Variants in SIGLEC1 observed in about 807,000 individuals in gnomAD.
SIGLEC1 encodes the protein sialic acid binding Ig like lectin 1.
SIGLEC1 carries 132 observed loss-of-function variants against 148.0 expected under a neutral mutation model. The observed-to-expected ratio is 0.89, with a 90% confidence interval of 0.77 to 1.03. The LOEUF is 1.03. Ranked by LOEUF, SIGLEC1 falls within the 50% of genes least tolerant of loss-of-function variation. The probability of loss-of-function intolerance (pLI) is 0.00; values close to 1 mark genes in which losing one functional copy is unlikely to be tolerated. For synonymous variants in SIGLEC1, 945 were observed against 969.0 expected, an observed-to-expected ratio of 0.98 and a Z score of 0.46; for missense variants, 2,253 against 2,271.4, an observed-to-expected ratio of 0.99 and a Z score of 0.16.
At position 3,688,463 on chromosome 20, in the gene SIGLEC1, G is replaced by A; in HGVS notation, c.*97C>T. ...ATGTCACAGAGCTGTTTTCGTAGAG[G>A]CGGGCAGGACTCAACACTGCCTCAT... On this transcript the variant is annotated 3_prime_UTR_variant, in exon 22 of 22. Coordinates refer to ENST00000344754, the MANE Select transcript of SIGLEC1 (RefSeq NM_023068.4). The A allele has an allele frequency of 9.7e-7, 1 of 1,032,386 alleles. No homozygotes were observed. Among genetic ancestry groups the A allele is most frequent in the East Asian group, 2.6e-5 (1 of 38,398 alleles). 64.0% of individuals were successfully genotyped at this position (1,032,386 alleles called of 1,614,324 possible).
intron 21 of SIGLEC1, 138 bp downstream of exon 21, chr20:3,689,017 C>G (rs1287483725): frequency 1.3e-6 from 1 of 766,868 alleles, no homozygotes; most frequent in African/African-American, 1.7e-5. Flanking sequence ...TCCTGAGGGG[C>G]TCCTGGTTCC....
chr20:3,711,417 T>C (rs2087928097), intron 1 of SIGLEC1, among the ~76,000 whole-genome samples: 1 of 152,144 alleles, frequency 6.6e-6, no homozygotes, highest in Non-Finnish European at 1.5e-5. Flanking sequence ...TGACCTCTGA[T>C]TCCAGAGGCC....
chr20:3,689,852 C>A, intron 19 of SIGLEC1, 110 bp downstream of exon 19: 2 of 1,190,008 alleles, frequency 1.7e-6, no homozygotes, highest in South Asian at 2.8e-5. Context: ...AGTTTAGAGT[C>A]GACAGGCAAA....
chr20:3,704,150 A>G, intron 4 of SIGLEC1, 59 bp from the exon 5 acceptor site: 2 of 1,496,360 alleles, frequency 1.3e-6, no homozygotes, highest in East Asian at 2.3e-5. Flanking sequence ...AGGATGGCAC[A>G]CTTCTTCTTG....
chr20:3,688,595 A>G lies in SIGLEC1; in HGVS notation c.5095T>C (p.Cys1699Arg). ...TQLIDPDAAT[C>R]ETSTCAPPLG ...GGTGGGGCACAGGTTGAGGTCTCAC[A>G]TGTGGCTGCATCAGGATCAATGAGC... is the stretch of plus-strand genomic sequence containing the variant. The change falls in exon 22 of 22, where the codon TGT becomes CGT. Residue 1699 changes from cysteine (C) to arginine (R), a missense_variant. Cys to Arg is a radical substitution (Grantham distance 180, BLOSUM62 -3). Transcript: ENST00000344754. 6.2e-7 allele frequency: 1 copy of G among 1,603,042 alleles called. No individual in the cohort carries two copies. Among genetic ancestry groups the G allele is most frequent in the Non-Finnish European group, 8.5e-7 (1 of 1,174,480 alleles).
Position 3,697,883 on chromosome 20 carries a change from AG to A in SIGLEC1, c.2036del (p.Pro679LeufsTer49). The A allele has an allele frequency of 6.2e-7, 1 of 1,613,112 alleles. No individual in the cohort carries two copies. Among genetic ancestry groups the A allele is most frequent in the Non-Finnish European group, 8.5e-7 (1 of 1,179,980 alleles). On this transcript the variant is annotated frameshift_variant, in exon 9 of 22. Coordinates refer to ENST00000344754, the MANE Select transcript of SIGLEC1 (RefSeq NM_023068.4). LOFTEE classifies it high-confidence loss of function. ...GGTACAAGCCCTCCTCTTCCAGCAA[AG>A]GGTTGTGAATCTCCACACGCAGCAA... ...PNLLRVEIHN[P>X]LLEEEGLYLC...
intron 1 of SIGLEC1, among the ~76,000 whole-genome samples, 98 bp downstream of exon 1, chr20:3,712,372 C>CG (rs932404268): frequency 5.2e-4 from 79 of 151,610 alleles, no homozygotes; most frequent in African/African-American, 1.1e-3. Context: ...GGAGCCCCCC[C>CG]CCGACCCCTG....
intron 5 of SIGLEC1, 98 bp from the exon 6 acceptor site, chr20:3,703,549 G>A: frequency 1.4e-6 from 2 of 1,440,952 alleles, no homozygotes; most frequent in East Asian, 2.3e-5. Context: ...CTCAATCTCT[G>A]CACATCCTAC....
rs2088718751 is a variant in SIGLEC1 at position 3,688,271 on chromosome 20, C to A, written c.*289G>T. 5 of 427,554 alleles carry A rather than the reference C, an allele frequency of 1.2e-5. No individual in the cohort carries two copies. The highest frequency in any genetic ancestry group is 1.1e-4 in the South Asian group (5 of 47,322). 26.5% of individuals were successfully genotyped at this position (427,554 alleles called of 1,614,324 possible). A position where few individuals can be genotyped will look rare whatever the true frequency, so the allele number is the denominator to read the frequency against. On this transcript the variant is annotated 3_prime_UTR_variant, in exon 22 of 22. Coordinates refer to ENST00000344754, the MANE Select transcript of SIGLEC1 (RefSeq NM_023068.4). ...AGGAGAAGGATGTGAAAGGGCAGGG[C>A]TTCCTTTGAGGGAGAAATGGAGAGA...
In SIGLEC1 at chr20:3,703,304, G is replaced by T. The variant is rs778742186; in HGVS notation, c.1121C>A (p.Thr374Asn). The change falls in exon 6 of 22, where the codon ACC becomes AAC. Residue 374 changes from threonine (T) to asparagine (N), a missense_variant. Transcript: ENST00000344754. ...CCTAGTGGCCAAGTGCAGCCGGAGGGTATGGGAGTGGGCATCCTCCAGCAG... is the reference window on the plus strand; with the variant it reads ...CCTAGTGGCCAAGTGCAGCCGGAGGTTATGGGAGTGGGCATCCTCCAGCAG... ...HVLLEDAHSH[T>N]LRLHLATRAD... 2 of 1,614,176 alleles carry T rather than the reference G, an allele frequency of 1.2e-6. No homozygotes were observed. Among genetic ancestry groups the T allele is most frequent in the South Asian group, 1.1e-5 (1 of 91,078 alleles).
chr20:3,691,830 G>A, intron 17 of SIGLEC1, 73 bp downstream of exon 17: 1 of 1,491,030 alleles, frequency 6.7e-7, no homozygotes, highest in South Asian at 1.3e-5. Context: ...GCTCTAGTGG[G>A]AGCTCCAGCC....
chr20:3,690,149 G>A lies in SIGLEC1; in HGVS notation c.4707C>T (p.Gly1569=). 1 of 1,601,750 alleles carries A rather than the reference G, an allele frequency of 6.2e-7. No homozygotes were observed. The highest frequency in any genetic ancestry group is 1.1e-5 in the South Asian group (1 of 88,896). Residue 1569 remains glycine (G), a synonymous_variant, in exon 19 of 22, where the codon GGC becomes GGT. Transcript: ENST00000344754. ...EPLASLTLHL[G]SRLVASSQPQ... ...GCTGACTGGAGGCCACCAGTCGACT[G>A]CCAAGGTGGAGAGTCAGGCTGGCGA...
intron 20 of SIGLEC1, 38 bp downstream of exon 20, chr20:3,689,562 A>G: frequency 7.0e-7 from 1 of 1,428,342 alleles, no homozygotes; most frequent in Non-Finnish European, 9.6e-7. Flanking sequence ...GGGCTGCCTT[A>G]CCCCAATCTT....
chr20:3,711,965 G>C (rs1444183828), intron 1 of SIGLEC1, among the ~76,000 whole-genome samples: 1 of 151,188 alleles, frequency 6.6e-6, no homozygotes, highest in Non-Finnish European at 1.5e-5. Flanking sequence ...AGCAAATTAA[G>C]GCTGGGATTG....
At chr20:3,689,903 G>C (rs747839168) in intron 19 of SIGLEC1, 59 bp downstream of exon 19, 2 of 1,441,146 alleles carry the variant, frequency 1.4e-6, no homozygotes, top group East Asian at 2.4e-5. Context: ...GAAGCCTTTG[G>C]GCCTAAGAGC....
chr20:3,706,183 G>A lies in SIGLEC1; in HGVS notation c.410-143C>T, dbSNP rs1197229906. The A allele has an allele frequency of 3.1e-6, 4 of 1,284,922 alleles. No homozygotes were observed. In the East Asian group the frequency reaches 7.2e-5, roughly 23 times the overall value. 79.6% of individuals were successfully genotyped at this position (1,284,922 alleles called of 1,614,324 possible). ...CGCTTTCTACTCCAGCCCCACTTGG[G>A]TGAATACAAGGGAGAACCAGGCCTG... On this transcript the variant is annotated intron_variant, in intron 3 of 21. Coordinates refer to ENST00000344754, the MANE Select transcript of SIGLEC1 (RefSeq NM_023068.4).
chr20:3,707,345 C>T (rs75167981), intron 1 of SIGLEC1, among the ~76,000 whole-genome samples, 108 bp from the exon 2 acceptor site: 8,147 of 152,288 alleles, frequency 0.053, 249 homozygotes, highest in Non-Finnish European at 0.063. Context: ...CAGGAGGCCA[C>T]GTTCCCAGCT....
In SIGLEC1 at chr20:3,689,669, A is replaced by C. The variant is rs1430683632; in HGVS notation, c.4928T>G (p.Leu1643Arg). The C allele has an allele frequency of 6.3e-7, 1 of 1,588,742 alleles. No individual in the cohort carries two copies. The highest frequency in any genetic ancestry group is 1.8e-4 in the Middle Eastern group (1 of 5,532). ...GCCCACCAGCAGTCCCAGGACCCAG[A>C]GCAGCTGCTGGAACTGATGCAGGCG... The part of the protein sequence containing the change: ...LHRLHQFQQL[L>R]WVLGLLVGLL... Residue 1643 changes from leucine (L) to arginine (R), a missense_variant, in exon 20 of 22, where the codon CTC (leucine) becomes CGC (arginine). Leu to Arg is a moderately radical substitution (Grantham distance 102, BLOSUM62 -2). Coordinates refer to ENST00000344754, the MANE Select transcript of SIGLEC1 (RefSeq NM_023068.4).
chr20:3,691,652 GGAGCCTCTGGGTGGGACCTCTGAGGGGC>G, intron 17 of SIGLEC1, 52 bp from the exon 18 acceptor site: 2 of 1,585,382 alleles, frequency 1.3e-6, no homozygotes, highest in Non-Finnish European at 1.7e-6. Context: ...CTTGGGGGCT[GGAGCCTCTGGGTGGGACCTCTGAGGGGC>G]CTCTGCACAT....
Sources: allele counts gnomAD v4.1 joint callset (sites outside exome capture counted in the v4.1 genomes callset), GRCh38; gene constraint gnomAD v4.1.1; transcripts MANE v1.5; gene names NCBI Gene and HGNC (gene_info 2026-07-23, HGNC 2026-07-21).